Variants in GPC5 observed in about 807,000 individuals in gnomAD.
The protein encoded by GPC5 is glypican 5.
A neutral mutation model predicts 53.9 loss-of-function variants in GPC5; 47 were observed. That is an observed-to-expected ratio of 0.87 (90% CI 0.69 to 1.11). The LOEUF (loss-of-function observed/expected upper bound fraction) is 1.11, where lower values mean the gene tolerates loss of function less well. Ranked by LOEUF, GPC5 falls within the 50% of genes most tolerant of loss-of-function variation. GPC5 has a pLI of 0.00. For missense variants in GPC5, 748 were observed against 713.1 expected (o/e 1.05, Z -0.56); for synonymous variants, 286 against 263.3 (o/e 1.09, Z -0.84).
chr13:92,614,451 C>T (rs1884614478), intron 7 of GPC5, among the ~76,000 whole-genome samples: 1 of 152,158 alleles, frequency 6.6e-6, no homozygotes, highest in East Asian at 1.9e-4. Flanking sequence ...TGCTCCTCCA[C>T]TGAGGATGGA....
At chr13:91,470,840 T>G (rs1394052407) in intron 2 of GPC5, among the ~76,000 whole-genome samples, 1 of 152,170 alleles carries the variant, frequency 6.6e-6, no homozygotes, top group Non-Finnish European at 1.5e-5. Context: ...ATCTACATTT[T>G]AATTTGGTTC....
chr13:91,597,453 T>A (rs75113756), intron 2 of GPC5, among the ~76,000 whole-genome samples: 1,976 of 152,284 alleles, frequency 0.013, 22 homozygotes, highest in Middle Eastern at 0.034. Context: ...ATTTTGAGCC[T>A]GCCAATACCC....
chr13:92,445,878 A>C (rs556461338), intron 7 of GPC5, among the ~76,000 whole-genome samples: 1 of 152,150 alleles, frequency 6.6e-6, no homozygotes, highest in South Asian at 2.1e-4. Context: ...CCTAGCTTCA[A>C]CTGATCCTCC....
intron 2 of GPC5, among the ~76,000 whole-genome samples, chr13:91,564,325 A>G (rs1346767357): frequency 1.3e-5 from 2 of 152,158 alleles, no homozygotes; most frequent in Non-Finnish European, 2.9e-5. Context: ...GTATGTCATA[A>G]AGAGGTAACA....
chr13:92,355,672 T>G (rs570197480), intron 7 of GPC5, among the ~76,000 whole-genome samples: 2 of 152,212 alleles, frequency 1.3e-5, no homozygotes, highest in South Asian at 4.1e-4. Context: ...GAATTCAACA[T>G]GCTGACTTCT....
Position 91,506,949 on chromosome 13 carries a change from G to A in GPC5, c.325+58027G>A, listed in dbSNP as rs77522365. On this transcript the variant is annotated intron_variant, in intron 2 of 7. Coordinates refer to ENST00000377067, the MANE Select transcript of GPC5 (RefSeq NM_004466.6). ...AAAAAATAAGAAATATAAATGAATA[G>A]CATTGAAAACATAAGTCCCAATGCC... Among the ~76,000 whole-genome samples, 148 of 152,062 alleles carry A rather than the reference G, an allele frequency of 9.7e-4. 1 individual carries two copies. The highest frequency in any genetic ancestry group is 9.3e-3 in the East Asian group (48 of 5,176).
intron 2 of GPC5, among the ~76,000 whole-genome samples, chr13:91,611,086 G>T (rs946325972): frequency 6.6e-6 from 1 of 152,146 alleles, no homozygotes; most frequent in Non-Finnish European, 1.5e-5. Context: ...AGATTAGTTA[G>T]AATGTTCAGT....
At chr13:92,071,063 C>G (rs2041207306) in intron 6 of GPC5, among the ~76,000 whole-genome samples, 2 of 151,988 alleles carry the variant, frequency 1.3e-5, no homozygotes, top group Admixed American at 6.6e-5. Context: ...TGGTTAAACC[C>G]TGTCTCTACT....
intron 2 of GPC5, among the ~76,000 whole-genome samples, chr13:91,549,530 C>A (rs992141968): frequency 6.6e-6 from 1 of 151,948 alleles, no homozygotes; most frequent in Non-Finnish European, 1.5e-5. Flanking sequence ...GACTGTTATC[C>A]AAAATATACA....
At chr13:92,846,961 T>C (rs1211718047) in intron 7 of GPC5, among the ~76,000 whole-genome samples, 4 of 152,188 alleles carry the variant, frequency 2.6e-5, no homozygotes, top group Non-Finnish European at 5.9e-5. Flanking sequence ...TTTGCCCTCT[T>C]TGCGGGGATA....
chr13:91,757,019 A>T (rs888173149), intron 5 of GPC5, among the ~76,000 whole-genome samples: 7 of 152,092 alleles, frequency 4.6e-5, no homozygotes, highest in African/African-American at 1.7e-4. Context: ...CAAACTTAGA[A>T]GTGAAATTCC....
At chr13:91,981,826 T>C (rs1452695629) in intron 6 of GPC5, among the ~76,000 whole-genome samples, 2 of 152,152 alleles carry the variant, frequency 1.3e-5, no homozygotes, top group African/African-American at 2.4e-5. Context: ...TTATGGACTG[T>C]TTTTTTATGT....
At chr13:91,638,941 GAAAA>G (rs912031771) in intron 2 of GPC5, among the ~76,000 whole-genome samples, 30 of 152,124 alleles carry the variant, frequency 2.0e-4, no homozygotes, top group Middle Eastern at 3.4e-3. Context: ...TTTCTTACTT[GAAAA>G]ATACAAAAAG....
intron 7 of GPC5, among the ~76,000 whole-genome samples, chr13:92,381,911 T>TATATATATATCATATATATC: frequency 7.4e-6 from 1 of 135,826 alleles, no homozygotes; most frequent in East Asian, 2.1e-4. Context: ...ATATATATGA[T>TATATATATATCATATATATC]ATATATAATC....
intron 7 of GPC5, among the ~76,000 whole-genome samples, chr13:92,635,561 G>A (rs1885383759): frequency 6.6e-6 from 1 of 152,122 alleles, no homozygotes; most frequent in Admixed American, 6.5e-5. Flanking sequence ...TGTACATAAG[G>A]CCAGAGCCCT....
chr13:91,837,585 C>T (rs1386315486), intron 5 of GPC5, among the ~76,000 whole-genome samples: 1 of 152,152 alleles, frequency 6.6e-6, no homozygotes, highest in Non-Finnish European at 1.5e-5. Context: ...TGTTGCATTT[C>T]TAGTACCTTA....
chr13:92,393,740 C>A (rs1470145068), intron 7 of GPC5, among the ~76,000 whole-genome samples: 1 of 151,706 alleles, frequency 6.6e-6, no homozygotes, highest in Non-Finnish European at 1.5e-5. Flanking sequence ...GGGAGAAGAG[C>A]AGAAAAGGTA....
chr13:91,415,644 T>C (rs1250108288), intron 1 of GPC5, among the ~76,000 whole-genome samples: 2 of 151,360 alleles, frequency 1.3e-5, no homozygotes, highest in African/African-American at 4.9e-5. Flanking sequence ...TTTTGCTACT[T>C]ATCAGCTTTG....
intron 7 of GPC5, among the ~76,000 whole-genome samples, chr13:92,228,714 C>A (rs539679635): frequency 2.6e-5 from 4 of 152,070 alleles, no homozygotes; most frequent in African/African-American, 9.6e-5. Flanking sequence ...TTTTAATTAT[C>A]ATTTCTTAGG....
Sources: gnomAD v4.1 joint callset for allele counts (sites outside exome capture counted in the v4.1 genomes callset) on GRCh38, gnomAD v4.1.1 for gene constraint, MANE v1.5 for transcripts, NCBI Gene and HGNC (gene_info 2026-07-23, HGNC 2026-07-21) for gene names.